The following ZNF236 variants were observed in gnomAD, a reference collection of about 807,000 sequenced individuals.
ZNF236 encodes regulated by glucose.
A neutral mutation model predicts 191.2 loss-of-function variants in ZNF236; 50 were observed. The ratio of observed to expected loss-of-function variants is 0.26; its 90% CI spans 0.21 to 0.33. The LOEUF is 0.33. Ranked by LOEUF, ZNF236 falls within the 10% of genes least tolerant of loss-of-function variation. The pLI, the probability that ZNF236 is intolerant of heterozygous loss-of-function variation, is 1.00. For missense variants in ZNF236, 1,754 were observed against 2,374.5 expected (o/e 0.74, Z 5.43); for synonymous variants, 907 against 928.8 (o/e 0.98, Z 0.43).
At chr18:76,824,385 T>G (rs1188696725) in intron 1 of ZNF236, 1 of 781,036 alleles carries the variant, frequency 1.3e-6, no homozygotes, top group East Asian at 2.4e-5. Context: ...GCTGGAGAGA[T>G]GTTGGCTGCA....
Position 76,875,698 on chromosome 18 carries a change from A to C in ZNF236, c.840+34A>C. On this transcript the variant is annotated intron_variant, in intron 6 of 30. Transcript: ENST00000320610. This position sits in a 1 kb window ranked among gnomAD's most constrained non-coding sequence, Gnocchi z 4.3. ...GGGTTGGGGGCATAAGCGGTATTTC[A>C]CAGGGGACAGTAGGTATCTTTTGGG... The C allele has an allele frequency of 6.7e-7, 1 of 1,485,032 alleles. No individual in the cohort carries two copies. The highest frequency in any genetic ancestry group is 9.0e-7 in the Non-Finnish European group (1 of 1,107,276). The allele number at this position is 1,485,032 out of a possible 1,614,324, so 92.0% of individuals were successfully genotyped here. A position where few individuals can be genotyped will look rare whatever the true frequency, so the allele number is the denominator to read the frequency against.
At position 76,831,586 on chromosome 18, in the gene ZNF236, T is replaced by G. The variant is rs936434752; in HGVS notation, c.55+8924T>G. Among the ~76,000 whole-genome samples, 9 of 152,170 alleles carry G rather than the reference T, an allele frequency of 5.9e-5. 1 individual carries two copies. Among genetic ancestry groups the G allele is most frequent in the African/African-American group, 2.2e-4 (9 of 41,444 alleles). ...TGACTGCTGGGTTGTATGGGAAAAC[T>G]ATGTTTAGTTTTTTCTAACAGGCTG... is the stretch of plus-strand genomic sequence containing the variant. On this transcript the variant is annotated intron_variant, in intron 1 of 30. Transcript: ENST00000320610.
Position 76,871,712 on chromosome 18 carries a change from C to G in ZNF236, c.554C>G (p.Thr185Arg), listed in dbSNP as rs1211296471. The G allele has an allele frequency of 5.0e-6, 8 of 1,614,130 alleles. No homozygotes were observed. Among genetic ancestry groups the G allele is most frequent in the Non-Finnish European group, 6.8e-6 (8 of 1,180,012 alleles). ...CTTTATTACACTAGGGTATCAAGTA[C>G]AAGGTCTTATAACCGGAATATCGAC... ...KTHYKIRVSS[T>R]RSYNRNIDRS... Residue 185 changes from threonine to arginine, a missense_variant, in exon 5 of 31, where the codon ACA (threonine) becomes AGA (arginine). By Grantham distance (71) the Thr-to-Arg change is moderately conservative (BLOSUM62 -1). Around this residue, in one of 5 missense-constraint regions of ZNF236, gnomAD observed 336 missense variants for 495.1 expected, o/e 0.68. Transcript: ENST00000320610.
chr18:76,905,127 T>C, intron 12 of ZNF236, 28 bp from the exon 13 acceptor site: 1 of 1,582,960 alleles, frequency 6.3e-7, no homozygotes, highest in South Asian at 1.1e-5. Context: ...AAGAAACATA[T>C]TCATTAAAAT....
At chr18:76,872,794 TC>T (rs1568206001) in intron 5 of ZNF236, among the ~76,000 whole-genome samples, 1 of 152,232 alleles carries the variant, frequency 6.6e-6, no homozygotes, top group African/African-American at 2.4e-5. Flanking sequence ...CCATGCTTTG[TC>T]CTTTTGTTTT....
intron 1 of ZNF236, among the ~76,000 whole-genome samples, chr18:76,842,772 C>G (rs1192305337): frequency 1.3e-5 from 2 of 151,310 alleles, no homozygotes; most frequent in African/African-American, 4.9e-5. Flanking sequence ...AAAAGCGATA[C>G]CATTCAGAAT....
intron 1 of ZNF236, among the ~76,000 whole-genome samples, chr18:76,845,997 G>A (rs1975665376): frequency 6.6e-6 from 1 of 152,246 alleles, no homozygotes; most frequent in Non-Finnish European, 1.5e-5. Flanking sequence ...GGAGGTGTGT[G>A]GAGACGTGTG....
Position 76,905,346 on chromosome 18 carries a change from A to G in ZNF236, c.2228A>G (p.Tyr743Cys), listed in dbSNP as rs1977710733. 6.2e-7 allele frequency: 1 copy of G among 1,614,176 alleles called. No individual in the cohort carries two copies. Among genetic ancestry groups the G allele is most frequent in the Non-Finnish European group, 8.5e-7 (1 of 1,180,034 alleles). ...HMGIHNDLRP[Y>C]MCPYCQKTFK... The stretch of plus-strand genomic sequence containing the variant: ...GGTATCCACAACGACCTTCGTCCCT[A>G]TATGTGTCCCTATTGCCAAAAAACA... The change falls in exon 13 of 31, where the codon TAT becomes TGT. Residue 743 changes from tyrosine (Y) to cysteine (C), a missense_variant. Tyr to Cys is a radical substitution (Grantham distance 194). This residue lies in a region of ZNF236 where 641 missense variants were observed against 869.6 expected (regional missense o/e 0.74). Transcript: ENST00000320610.
intron 3 of ZNF236, among the ~76,000 whole-genome samples, chr18:76,860,317 G>A (rs114782489): frequency 6.6e-6 from 1 of 152,198 alleles, no homozygotes; most frequent in African/African-American, 2.4e-5. Context: ...CCCATCTACA[G>A]GGGTCACCAG....
chr18:76,881,515 A>G lies in ZNF236; in HGVS notation c.1417+3A>G. 6.2e-7 allele frequency: 1 copy of G among 1,607,230 alleles called. No individual in the cohort carries two copies. The highest frequency in any genetic ancestry group is 8.5e-7 in the Non-Finnish European group (1 of 1,178,072). Reference sequence around the variant, plus strand: ...GAAGAAGTCACCGTTTCTACCTGGTAATTTTCCTAAACTTTAAAGTTTGGA... The same window carrying G: ...GAAGAAGTCACCGTTTCTACCTGGTGATTTTCCTAAACTTTAAAGTTTGGA... On this transcript the variant is annotated splice_donor_region_variant and intron_variant, in intron 9 of 30. Coordinates refer to ENST00000320610, the MANE Select transcript of ZNF236 (RefSeq NM_001306089.2).
At chr18:76,866,843 G>A (rs1422851894) in intron 3 of ZNF236, among the ~76,000 whole-genome samples, 1 of 152,126 alleles carries the variant, frequency 6.6e-6, no homozygotes, top group Admixed American at 6.5e-5. Flanking sequence ...GAGGAGCATC[G>A]TGGCTCTTTT....
At position 76,868,738 on chromosome 18, in the gene ZNF236, C is replaced by G; in HGVS notation, c.417C>G (p.Ala139=). ...GDEFTLQSQL[A]VHMEEHRQEL... is the part of the protein sequence containing the mutation. ...AGTTTACTCTGCAGAGTCAGCTGGC[C>G]GTGCACATGGAGGAGCACCGCCAGG... The change falls in exon 4 of 31, where the codon GCC becomes GCG. Residue 139 remains alanine (A), a synonymous_variant. Transcript: ENST00000320610. 1.9e-6 allele frequency: 3 copies of G among 1,613,858 alleles called. No homozygotes were observed. The highest frequency in any genetic ancestry group is 2.5e-6 in the Non-Finnish European group (3 of 1,179,878).
intron 9 of ZNF236, among the ~76,000 whole-genome samples, chr18:76,890,062 T>G (rs1027517710): frequency 2.0e-5 from 3 of 152,258 alleles, no homozygotes; most frequent in African/African-American, 7.2e-5. Flanking sequence ...TGTGTGTAGC[T>G]GCATCATTTC....
intron 1 of ZNF236, among the ~76,000 whole-genome samples, chr18:76,843,226 T>C (rs934433188): frequency 6.6e-6 from 1 of 151,812 alleles, no homozygotes; most frequent in African/African-American, 2.4e-5. Flanking sequence ...AATGTGGGAA[T>C]CAGATAAACT....
chr18:76,875,442 A>G lies in ZNF236; in HGVS notation c.668-50A>G. 5 of 1,422,856 alleles carry G rather than the reference A, an allele frequency of 3.5e-6. No homozygotes were observed. The highest frequency in any genetic ancestry group is 4.6e-6 in the Non-Finnish European group (5 of 1,076,652). 88.1% of individuals were successfully genotyped at this position (1,422,856 alleles called of 1,614,324 possible). ...AGTGTTGTTCTTTTCAATCCGTAAG[A>G]TGCCCATACAATATGGAATTATATT... On this transcript the variant is annotated intron_variant, in intron 5 of 30. Transcript: ENST00000320610. The surrounding 1 kb of genome is among the most constrained non-coding windows in gnomAD (Gnocchi z 4.3).
At chr18:76,908,765 T>C (rs563986511) in intron 14 of ZNF236, among the ~76,000 whole-genome samples, 192 bp downstream of exon 14, 1 of 152,380 alleles carries the variant, frequency 6.6e-6, no homozygotes, top group Admixed American at 6.5e-5. Flanking sequence ...TTCAATTTTA[T>C]TAGATTTCTT....
Position 76,875,747 on chromosome 18 carries a change from C to T in ZNF236, c.840+83C>T. The T allele has an allele frequency of 7.8e-7, 1 of 1,279,836 alleles. No individual in the cohort carries two copies. Among genetic ancestry groups the T allele is most frequent in the Non-Finnish European group, 1.0e-6 (1 of 991,898 alleles). The allele number at this position is 1,279,836 out of a possible 1,614,324, so 79.3% of individuals were successfully genotyped here. On this transcript the variant is annotated intron_variant, in intron 6 of 30. Transcript: ENST00000320610. This position sits in a 1 kb window ranked among gnomAD's most constrained non-coding sequence, Gnocchi z 4.3. ...GGTTAATAAACGGACCTGAGAAATT[C>T]TTTTCCATTTAAAAAAATGCAGATT...
intron 14 of ZNF236, among the ~76,000 whole-genome samples, chr18:76,908,990 TG>T (rs1967139876): frequency 3.1e-4 from 44 of 144,010 alleles, no homozygotes; most frequent in Admixed American, 1.3e-3. Context: ...TGTGTGTGTG[TG>T]TGTGTGTGTG....
chr18:76,857,965 T>C (rs1976094203), intron 3 of ZNF236, among the ~76,000 whole-genome samples: 1 of 152,228 alleles, frequency 6.6e-6, no homozygotes, highest in South Asian at 2.1e-4. Context: ...GTACACTTTT[T>C]ACGTTTCTTA....
Sources: gnomAD v4.1 joint callset for allele counts (sites outside exome capture counted in the v4.1 genomes callset) on GRCh38, gnomAD v4.1.1 for gene constraint, gnomAD v4.1.1 regional missense constraint, Gnocchi (gnomAD v3.1) non-coding constraint, MANE v1.5 for transcripts, NCBI Gene and HGNC (gene_info 2026-07-23, HGNC 2026-07-21) for gene names.